DYNC2I1: variants seen among roughly 807,000 people sequenced by gnomAD.
The protein encoded by DYNC2I1 is cytoplasmic dynein 2 intermediate chain 1.
Under a neutral mutation model 133.4 loss-of-function variants are expected in DYNC2I1, and 89 were observed. That is an observed-to-expected ratio of 0.67 (90% CI 0.56 to 0.80). The LOEUF is 0.80. DYNC2I1 is among the 30% of genes least tolerant of loss of function. DYNC2I1 has a pLI of 0.00. For synonymous variants in DYNC2I1, 504 were observed against 484.3 expected (o/e 1.04, Z -0.54); for missense variants, 1,291 against 1,314.5 (o/e 0.98, Z 0.28).
intron 6 of DYNC2I1, among the ~76,000 whole-genome samples, chr7:158,885,335 T>C (rs926609891): frequency 6.6e-6 from 1 of 151,056 alleles, no homozygotes; most frequent in Admixed American, 6.6e-5. Flanking sequence ...TTGGAGTTTA[T>C]GTATAAACTC....
At chr7:158,872,933 A>G (rs948110400) in intron 3 of DYNC2I1, among the ~76,000 whole-genome samples, 4 of 151,756 alleles carry the variant, frequency 2.6e-5, no homozygotes, top group African/African-American at 9.7e-5. Flanking sequence ...GGAGGTTGCA[A>G]TGAGCTGAGA....
Position 158,929,490 on chromosome 7 carries a change from G to A in DYNC2I1, c.2486-965G>A, listed in dbSNP as rs1412037757. ...TGGGCTATGGCGTGTAGGGGCCAGT[G>A]GGAGGACCCGGCCAGAAAAGCTGCC... On this transcript the variant is annotated intron_variant, in intron 20 of 24. Coordinates refer to ENST00000407559, the MANE Select transcript of DYNC2I1 (RefSeq NM_018051.5). Among the ~76,000 whole-genome samples the A allele has an allele frequency of 3.3e-5, 5 of 152,266 alleles. No individual in the cohort carries two copies. The East Asian group carries it at 9.7e-4, about 30-fold the overall frequency.
intron 24 of DYNC2I1, among the ~76,000 whole-genome samples, chr7:158,942,747 A>G (rs932522742): frequency 2.0e-5 from 3 of 152,236 alleles, no homozygotes; most frequent in African/African-American, 4.8e-5. Context: ...AATGGTCCAC[A>G]TGACGCCACA....
chr7:158,872,276 A>T (rs1333129148), intron 3 of DYNC2I1, among the ~76,000 whole-genome samples: 1 of 152,184 alleles, frequency 6.6e-6, no homozygotes, highest in Non-Finnish European at 1.5e-5. Flanking sequence ...TGATTGTGCC[A>T]CTGCACTGCA....
At chr7:158,868,474 CA>C (rs1842605519) in intron 1 of DYNC2I1, among the ~76,000 whole-genome samples, 2 of 152,212 alleles carry the variant, frequency 1.3e-5, no homozygotes, top group South Asian at 4.1e-4. Context: ...AACACTTTCG[CA>C]GTAGAAACAA....
Position 158,881,288 on chromosome 7 carries a change from C to T in DYNC2I1, c.879+1299C>T, listed in dbSNP as rs565179875. 5.3e-5 allele frequency among the ~76,000 whole-genome samples: 8 copies of T among 152,144 alleles called. No homozygotes were observed. In the East Asian group the frequency reaches 1.2e-3, roughly 22 times the overall value. ...CCTCTGTTTGCATCAGGGCGTTGGC[C>T]GTGTTTCTTAGCAGGTTTGAGGCAG... is the stretch of plus-strand genomic sequence containing the variant. On this transcript the variant is annotated intron_variant, in intron 5 of 24. Transcript: ENST00000407559.
chr7:158,852,323 T>C (rs924748482), upstream of DYNC2I1, among the ~76,000 whole-genome samples: 6 of 152,048 alleles, frequency 3.9e-5, no homozygotes, highest in South Asian at 2.1e-4. Context: ...GGTTTTACCA[T>C]GTTGGCCAGG....
At chr7:158,865,233 TCTC>T (rs910610820) in intron 1 of DYNC2I1, among the ~76,000 whole-genome samples, 8 of 152,190 alleles carry the variant, frequency 5.3e-5, no homozygotes, top group Admixed American at 1.3e-4. Context: ...CAGGTTTACT[TCTC>T]CTTGGATTTC....
At chr7:158,939,324 C>G (rs1468662428) in intron 23 of DYNC2I1, among the ~76,000 whole-genome samples, 3 of 151,860 alleles carry the variant, frequency 2.0e-5, no homozygotes, top group Non-Finnish European at 4.4e-5. Flanking sequence ...CACCTGTAGT[C>G]CCAGCTAGCT....
chr7:158,864,706 G>A lies in DYNC2I1; in HGVS notation c.16-5149G>A, dbSNP rs1490428575. ...TTTTTGATGGAGATGGGGTCTTGCT[G>A]TGTTGCCCTGGCTGGTCTTGAACTC... On this transcript the variant is annotated intron_variant, in intron 1 of 24. Transcript: ENST00000407559. 2.6e-5 allele frequency among the ~76,000 whole-genome samples: 4 copies of A among 151,806 alleles called. No homozygotes were observed. The East Asian group carries it at 7.7e-4, about 29-fold the overall frequency.
chr7:158,914,962 T>C (rs1197695180), intron 14 of DYNC2I1, among the ~76,000 whole-genome samples: 1 of 152,268 alleles, frequency 6.6e-6, no homozygotes, highest in African/African-American at 2.4e-5. Context: ...CATTCACATT[T>C]CGCCAGCTGT....
chr7:158,875,856 T>G (rs1843308913), intron 3 of DYNC2I1, among the ~76,000 whole-genome samples: 1 of 152,202 alleles, frequency 6.6e-6, no homozygotes, highest in Admixed American at 6.5e-5. Flanking sequence ...GTTCTCCTGT[T>G]CAGACTAAGC....
At chr7:158,914,087 C>G (rs191480301) in intron 13 of DYNC2I1, 146 bp from the exon 14 acceptor site, 1 of 589,702 alleles carries the variant, frequency 1.7e-6, no homozygotes, top group African/African-American at 1.9e-5. Flanking sequence ...AGTAGTAAAT[C>G]TAGAGAGTAT....
intron 14 of DYNC2I1, among the ~76,000 whole-genome samples, chr7:158,915,389 ATG>A (rs1847994605): frequency 9.5e-6 from 1 of 105,128 alleles, no homozygotes; most frequent in Non-Finnish European, 2.2e-5. Context: ...AAACGTCGAC[ATG>A]CTGGTTGACA....
intron 5 of DYNC2I1, among the ~76,000 whole-genome samples, chr7:158,880,327 A>G (rs1019014921): frequency 3.3e-5 from 5 of 152,168 alleles, no homozygotes; most frequent in Non-Finnish European, 5.9e-5. Flanking sequence ...ACCTGAGGTC[A>G]GGAGTTCGAG....
At chr7:158,953,583 T>A (rs1481677295) in intron 4 of DYNC2I1, among the ~76,000 whole-genome samples, 3 of 152,128 alleles carry the variant, frequency 2.0e-5, no homozygotes, top group Non-Finnish European at 4.4e-5. Flanking sequence ...AGACCCTATC[T>A]CTACAAATAA....
At chr7:158,939,670 A>G (rs1851129428) in intron 23 of DYNC2I1, among the ~76,000 whole-genome samples, 1 of 152,212 alleles carries the variant, frequency 6.6e-6, no homozygotes, top group Non-Finnish European at 1.5e-5. Flanking sequence ...ATTAAAAGGC[A>G]TAGAATGGCT....
chr7:158,911,295 A>G (rs534838055), intron 11 of DYNC2I1, among the ~76,000 whole-genome samples: 4 of 152,298 alleles, frequency 2.6e-5, no homozygotes, highest in South Asian at 4.1e-4. Context: ...ACGGTCACAC[A>G]TGAGGTTCGT....
chr7:158,848,367 T>C, the DYNC2I1 span, among the ~76,000 whole-genome samples: 1 of 152,150 alleles, frequency 6.6e-6, no homozygotes, highest in Non-Finnish European at 1.5e-5. Context: ...ATATTGAGGG[T>C]AAAAGGGCCC....
Sources: gnomAD v4.1 joint callset for allele counts (sites outside exome capture counted in the v4.1 genomes callset) on GRCh38, gnomAD v4.1.1 for gene constraint, MANE v1.5 for transcripts, NCBI Gene and HGNC (gene_info 2026-07-23, HGNC 2026-07-21) for gene names.